CSMD1: variants seen among roughly 807,000 people sequenced by gnomAD.
CSMD1 encodes CUB and sushi domain-containing protein 1.
Under a neutral mutation model 417.5 loss-of-function variants are expected in CSMD1, and 213 were observed. The observed-to-expected ratio is 0.51, with a 90% CI of 0.46 to 0.57. The LOEUF (loss-of-function observed/expected upper bound fraction) is 0.57. Ranked by LOEUF, CSMD1 falls within the 20% of genes least tolerant of loss-of-function variation. The pLI is 0.00. For synonymous variants in CSMD1, 2,862 were observed against 1,736.8 expected (o/e 1.65, Z -16.11); for missense variants, 6,923 against 4,529.7 (o/e 1.53, Z -15.17).
At chr8:3,247,019 C>T (rs1457966563) in intron 26 of CSMD1, among the ~76,000 whole-genome samples, 2 of 152,094 alleles carry the variant, frequency 1.3e-5, no homozygotes, top group African/African-American at 2.4e-5. Context: ...TGCAAGTGAA[C>T]CATGTATTCA....
intron 1 of CSMD1, among the ~76,000 whole-genome samples, chr8:4,885,236 T>A (rs1247652055): frequency 6.6e-6 from 1 of 152,092 alleles, no homozygotes; most frequent in Non-Finnish European, 1.5e-5. Context: ...TTTAATCGAA[T>A]TTCTTAGCAT....
At chr8:4,446,465 C>T (rs1000881902) in intron 2 of CSMD1, among the ~76,000 whole-genome samples, 8 of 152,098 alleles carry the variant, frequency 5.3e-5, no homozygotes, top group Admixed American at 2.6e-4. Flanking sequence ...GGACGATCAC[C>T]GAACTTGGGA....
At chr8:3,606,610 C>A (rs570667587) in intron 8 of CSMD1, among the ~76,000 whole-genome samples, 1 of 152,046 alleles carries the variant, frequency 6.6e-6, no homozygotes, top group African/African-American at 2.4e-5. Context: ...TCCTGTAGAC[C>A]TTAGAAACAC....
chr8:4,633,341 A>G (rs1288364418), intron 2 of CSMD1, among the ~76,000 whole-genome samples: 4 of 148,924 alleles, frequency 2.7e-5, no homozygotes, highest in South Asian at 2.1e-4. Flanking sequence ...CCGCCTCCCC[A>G]GTTCACACCA....
At chr8:4,899,973 CTT>C (rs1204778860) in intron 1 of CSMD1, among the ~76,000 whole-genome samples, 3 of 152,124 alleles carry the variant, frequency 2.0e-5, no homozygotes, top group Non-Finnish European at 4.4e-5. Flanking sequence ...ATAAATGGGT[CTT>C]ATTTTTAGTC....
Position 3,348,166 on chromosome 8 carries a change from A to G in CSMD1, c.3305-5T>C, listed in dbSNP as rs375555570. The G allele has an allele frequency of 2.5e-6, 4 of 1,609,234 alleles. No individual in the cohort carries two copies. The highest frequency in any genetic ancestry group is 3.4e-6 in the Non-Finnish European group (4 of 1,177,648). On this transcript the variant is annotated splice_region_variant and splice_polypyrimidine_tract_variant and intron_variant, in intron 21 of 69. Coordinates refer to ENST00000635120, the MANE Select transcript of CSMD1 (RefSeq NM_033225.6). ...TGACACTTGCTCCACATTCGGCTAC[A>G]ATAAATAGGACATGAGAGAAAGAGG... is the stretch of plus-strand genomic sequence containing the variant.
At chr8:4,006,266 C>T (rs1168611674) in intron 4 of CSMD1, among the ~76,000 whole-genome samples, 2 of 152,180 alleles carry the variant, frequency 1.3e-5, no homozygotes, top group African/African-American at 4.8e-5. Context: ...CCCACAGGAT[C>T]ATGACTCTGG....
chr8:4,160,064 G>T (rs1028717416), intron 3 of CSMD1, among the ~76,000 whole-genome samples: 2 of 150,392 alleles, frequency 1.3e-5, no homozygotes, highest in Non-Finnish European at 2.9e-5. Flanking sequence ...AATACCACCT[G>T]TTCTCCAAAA....
chr8:4,916,944 G>T (rs4503116), intron 1 of CSMD1, among the ~76,000 whole-genome samples: 53,717 of 152,050 alleles, frequency 0.35, 10,112 homozygotes, highest in African/African-American at 0.49. Context: ...TGTGAGACAT[G>T]TCATTAGGCA....
intron 3 of CSMD1, among the ~76,000 whole-genome samples, chr8:4,160,810 A>G (rs117900799): frequency 0.012 from 1,832 of 152,358 alleles, 12 homozygotes; most frequent in South Asian, 0.031. Context: ...TGTACTGTAA[A>G]TATCAGAAAA....
At chr8:4,246,207 T>C (rs1365692233) in intron 3 of CSMD1, among the ~76,000 whole-genome samples, 2 of 152,160 alleles carry the variant, frequency 1.3e-5, no homozygotes, top group African/African-American at 2.4e-5. Flanking sequence ...CCAGTGTGTG[T>C]TGTTCCCCCA....
rs148957972 is a variant in CSMD1 at position 3,969,382 on chromosome 8, T to C, written c.818+28521A>G. ...CAGAATGCTCAGAAGCTGAAAAACATTGCTCCAATCTCTCACTTATACCTC... is the reference window on the plus strand; with the variant it reads ...CAGAATGCTCAGAAGCTGAAAAACACTGCTCCAATCTCTCACTTATACCTC... On this transcript the variant is annotated intron_variant, in intron 5 of 69. Transcript: ENST00000635120. Among the ~76,000 whole-genome samples, 946 of 152,296 alleles carry C rather than the reference T, an allele frequency of 6.2e-3. 8 individuals carry two copies. The highest frequency in any genetic ancestry group is 0.019 in the African/African-American group (798 of 41,578).
chr8:3,657,098 C>G (rs890255083), intron 7 of CSMD1, among the ~76,000 whole-genome samples: 1 of 152,074 alleles, frequency 6.6e-6, no homozygotes, highest in Admixed American at 6.5e-5. Context: ...AGTTGCTGCA[C>G]TGGACATTGT....
intron 50 of CSMD1, among the ~76,000 whole-genome samples, chr8:3,035,862 G>T (rs956293241): frequency 6.6e-6 from 1 of 152,032 alleles, no homozygotes; most frequent in African/African-American, 2.4e-5. Context: ...GGAAATACAG[G>T]CTACCTTCTA....
At chr8:3,734,227 G>C (rs982200038) in intron 6 of CSMD1, among the ~76,000 whole-genome samples, 2 of 152,166 alleles carry the variant, frequency 1.3e-5, no homozygotes. Context: ...ATGAGAATGG[G>C]AGCCTTCGGC....
chr8:3,312,822 G>C (rs1177273181), intron 23 of CSMD1, among the ~76,000 whole-genome samples: 1 of 151,916 alleles, frequency 6.6e-6, no homozygotes, highest in Non-Finnish European at 1.5e-5. Flanking sequence ...ACTTCAATCT[G>C]GTGTTTCAGA....
intron 5 of CSMD1, among the ~76,000 whole-genome samples, chr8:3,937,327 C>T (rs1810564290): frequency 6.6e-6 from 1 of 152,144 alleles, no homozygotes; most frequent in African/African-American, 2.4e-5. Flanking sequence ...ACCAGCAACA[C>T]ATGCTATATA....
intron 3 of CSMD1, among the ~76,000 whole-genome samples, chr8:4,170,779 C>G (rs1220919099): frequency 6.6e-6 from 1 of 151,532 alleles, no homozygotes; most frequent in African/African-American, 2.4e-5. Context: ...CACAGAATTT[C>G]AAATGGTTCT....
chr8:3,817,474 T>C (rs996785848), intron 5 of CSMD1, among the ~76,000 whole-genome samples: 2 of 151,458 alleles, frequency 1.3e-5, no homozygotes, highest in African/African-American at 4.8e-5. Context: ...AGAGACGGGG[T>C]TTCACCTCGT....
Sources: gnomAD v4.1 joint callset for allele counts (sites outside exome capture counted in the v4.1 genomes callset) on GRCh38, gnomAD v4.1.1 for gene constraint, MANE v1.5 for transcripts, NCBI Gene and HGNC (gene_info 2026-07-23, HGNC 2026-07-21) for gene names.